TRAF7: variants seen among roughly 807,000 people sequenced by gnomAD.
TRAF7 encodes E3 ubiquitin-protein ligase TRAF7.
A neutral mutation model predicts 89.3 loss-of-function variants in TRAF7; 45 were observed. The observed-to-expected ratio is 0.50, with a 90% CI of 0.40 to 0.65. The LOEUF is 0.65. Ranked by LOEUF, TRAF7 falls within the 30% of genes least tolerant of loss-of-function variation. The probability of loss-of-function intolerance (pLI) is 0.00; values close to 1 mark genes in which losing one functional copy is unlikely to be tolerated. For missense variants in TRAF7, 677 were observed against 918.1 expected (o/e 0.74, Z 3.39); for synonymous variants, 406 against 369.2 (o/e 1.10, Z -1.14).
chr16:2,167,925 G>A (rs1471100178), intron 3 of TRAF7, 152 bp from the exon 4 acceptor site: 10 of 650,614 alleles, frequency 1.5e-5, no homozygotes, highest in South Asian at 3.7e-5. Context: ...AGCTTCCCCC[G>A]TGCCATCCCT....
At chr16:2,166,088 C>T (rs2093085623) in intron 3 of TRAF7, 152 bp downstream of exon 3, 1 of 890,574 alleles carries the variant, frequency 1.1e-6, no homozygotes, top group African/African-American at 1.7e-5. Flanking sequence ...TGTGTCCTCA[C>T]AGCCTCTCAG....
chr16:2,158,404 G>A lies in TRAF7; in HGVS notation c.-39+2546G>A, dbSNP rs933019617. Among the ~76,000 whole-genome samples, 1 of 152,140 alleles carries A rather than the reference G, an allele frequency of 6.6e-6. No individual in the cohort carries two copies. The highest frequency in any genetic ancestry group is 2.4e-5 in the African/African-American group (1 of 41,412). ...GCTGGGGCTGGTCACGTGTAGACCCGGACACCCTCACCCGGCTGGAGGAAG... is the reference window on the plus strand; with the variant it reads ...GCTGGGGCTGGTCACGTGTAGACCCAGACACCCTCACCCGGCTGGAGGAAG... On this transcript the variant is annotated intron_variant, in intron 1 of 20. Transcript: ENST00000326181. The surrounding 1 kb of genome is among the most constrained non-coding windows in gnomAD (Gnocchi z 4.7).
Position 2,170,599 on chromosome 16 carries a change from T to C in TRAF7, c.232-15T>C. 1 of 1,603,562 alleles carries C rather than the reference T, an allele frequency of 6.2e-7. No homozygotes were observed. The highest frequency in any genetic ancestry group is 8.5e-7 in the Non-Finnish European group (1 of 1,174,372). The stretch of plus-strand genomic sequence containing the variant: ...CGTGCGGAGCCCCCCGACAGGCGCC[T>C]CTCCCTCCACACAGCCCCCCATCAG... On this transcript the variant is annotated splice_polypyrimidine_tract_variant and intron_variant, in intron 4 of 20. Coordinates refer to ENST00000326181, the MANE Select transcript of TRAF7 (RefSeq NM_032271.3).
intron 15 of TRAF7, 67 bp from the exon 16 acceptor site, chr16:2,175,234 C>A: frequency 6.2e-7 from 1 of 1,612,086 alleles, no homozygotes; most frequent in East Asian, 2.2e-5. Context: ...TGTTTCTCCC[C>A]GTCTGGGCTC....
At chr16:2,173,050 C>T (rs538010613) in intron 9 of TRAF7, 132 bp from the exon 10 acceptor site, 9 of 746,546 alleles carry the variant, frequency 1.2e-5, no homozygotes, top group East Asian at 2.7e-5. Flanking sequence ...AGGGGCAGGA[C>T]GGCAGGTGTG....
chr16:2,164,074 G>A, intron 2 of TRAF7, 73 bp downstream of exon 2: 1 of 1,413,770 alleles, frequency 7.1e-7, no homozygotes, highest in Non-Finnish European at 9.7e-7. Flanking sequence ...GGTGTTGCCT[G>A]CAGAGCTCCC....
intron 12 of TRAF7, 23 bp downstream of exon 12, chr16:2,173,859 T>TGGGGGCGGCCCCCC: frequency 8.0e-7 from 1 of 1,246,258 alleles, no homozygotes; most frequent in Non-Finnish European, 1.1e-6. Context: ...CCGCCGTGGC[T>TGGGGGCGGCCCCCC]CCCGCCCACC....
At position 2,163,780 on chromosome 16, in the gene TRAF7, C is replaced by T. The variant is rs1197551422; in HGVS notation, c.-38-103C>T. ...GGTGGTGGAAGGCTGCTGCGGCGGC[C>T]CCACGGTGCCCCACAGCAGGTCTGC... On this transcript the variant is annotated intron_variant, in intron 1 of 20. Coordinates refer to ENST00000326181, the MANE Select transcript of TRAF7 (RefSeq NM_032271.3). The surrounding 1 kb of genome is among the most constrained non-coding windows in gnomAD (Gnocchi z 4.3). The T allele has an allele frequency of 3.9e-6, 3 of 766,870 alleles. No homozygotes were observed. The highest frequency in any genetic ancestry group is 2.7e-5 in the East Asian group (1 of 37,016). 47.5% of individuals were successfully genotyped at this position (766,870 alleles called of 1,614,324 possible).
rs1048115847 is a variant in TRAF7 at position 2,175,383 on chromosome 16, A to G, written c.1469A>G (p.Asn490Ser). 5.6e-6 allele frequency: 9 copies of G among 1,613,518 alleles called. No individual in the cohort carries two copies. Among genetic ancestry groups the G allele is most frequent in the South Asian group, 3.3e-5 (3 of 91,092 alleles). The change falls in exon 16 of 21, where the codon AAC (asparagine) becomes AGC (serine). Residue 490 changes from asparagine (N) to serine (S), a missense_variant. Asn to Ser is a conservative substitution (Grantham distance 46). Transcript: ENST00000326181. Reference protein sequence around the residue: ...NPVCTLVSSHNVLFSGSLKAI... With the variant: ...NPVCTLVSSHSVLFSGSLKAI... Reference sequence around the variant, plus strand: ...GTGTGCACGCTGGTCTCCTCACACAACGTGCTCTTCAGCGGCTCCCTGAAG... The same window carrying G: ...GTGTGCACGCTGGTCTCCTCACACAGCGTGCTCTTCAGCGGCTCCCTGAAG...
In TRAF7 at chr16:2,172,612, C is replaced by T. The variant is rs985976826; in HGVS notation, c.794+13C>T. On this transcript the variant is annotated intron_variant, in intron 9 of 20. Coordinates refer to ENST00000326181, the MANE Select transcript of TRAF7 (RefSeq NM_032271.3). ...ACTCCAAGTACGGGTGAGTGGGGGGCGGGCGGGGGTGGGCCGGGGTGGGCG... is the reference window on the plus strand; with the variant it reads ...ACTCCAAGTACGGGTGAGTGGGGGGTGGGCGGGGGTGGGCCGGGGTGGGCG... 114 of 831,892 alleles carry T rather than the reference C, an allele frequency of 1.4e-4. No individual in the cohort carries two copies. The highest frequency in any genetic ancestry group is 4.4e-4 in the Middle Eastern group (1 of 2,262). The allele number at this position is 831,892 out of a possible 1,614,324, so 51.5% of individuals were successfully genotyped here.
rs778488791 is a variant in TRAF7 at position 2,168,180 on chromosome 16, C to T, written c.231+12C>T. On this transcript the variant is annotated intron_variant, in intron 4 of 20. Transcript: ENST00000326181. This position sits in a 1 kb window ranked among gnomAD's most constrained non-coding sequence, Gnocchi z 4.1. ...AGGAGGACAGCATGGTAGGTCCCTA[C>T]CCCCAGGAGCCCGTGTGAGCCTCAG... is the stretch of plus-strand genomic sequence containing the variant. The T allele has an allele frequency of 4.4e-6, 7 of 1,599,250 alleles. No individual in the cohort carries two copies. The East Asian group carries it at 6.8e-5, about 16-fold the overall frequency.
intron 2 of TRAF7, among the ~76,000 whole-genome samples, chr16:2,164,591 C>T (rs547069622): frequency 1.5e-4 from 20 of 130,326 alleles, no homozygotes; most frequent in African/African-American, 4.5e-4. Flanking sequence ...TGCTACGTGG[C>T]GCGGCCTGGT....
rs887081868 is a variant in TRAF7 at position 2,158,534 on chromosome 16, G to A, written c.-39+2676G>A. Among the ~76,000 whole-genome samples, 3 of 152,240 alleles carry A rather than the reference G, an allele frequency of 2.0e-5. No individual in the cohort carries two copies. The highest frequency in any genetic ancestry group is 1.9e-4 in the East Asian group (1 of 5,200). Reference sequence around the variant, plus strand: ...GGGCCAGGACTGAGGGCCGTGGGACGGTGTGGGAAAGGAGGTGGCAGTGCG... The same window carrying A: ...GGGCCAGGACTGAGGGCCGTGGGACAGTGTGGGAAAGGAGGTGGCAGTGCG... On this transcript the variant is annotated intron_variant, in intron 1 of 20. Transcript: ENST00000326181. The surrounding 1 kb of genome is among the most constrained non-coding windows in gnomAD (Gnocchi z 4.7).
chr16:2,173,351 C>G lies in TRAF7; in HGVS notation c.964C>G (p.Leu322Val). The G allele has an allele frequency of 6.2e-7, 1 of 1,613,628 alleles. No homozygotes were observed. Among genetic ancestry groups the G allele is most frequent in the Non-Finnish European group, 8.5e-7 (1 of 1,180,022 alleles). ...CTTCCTGCGCTCCATGCTGGGAAAG[C>G]TCTCGGAGAAGATCGACCAGCTAGA... ...IAFLRSMLGKLSEKIDQLEKS... is the reference protein window; with the variant it reads ...IAFLRSMLGKVSEKIDQLEKS... The change falls in exon 10 of 21, where the codon CTC becomes GTC. Residue 322 changes from leucine to valine, a missense_variant. This residue lies in a region of TRAF7 where 238 missense variants were observed against 352.6 expected (regional missense o/e 0.67). Coordinates refer to ENST00000326181, the MANE Select transcript of TRAF7 (RefSeq NM_032271.3).
In TRAF7 at chr16:2,170,721, G is replaced by A. The variant is rs1209672768; in HGVS notation, c.339G>A (p.Glu113=). The part of the protein sequence containing the change: ...LRSTFSLPEE[E]EEPEPLVFAE... ...CCACATTCTCACTGCCCGAGGAGGA[G>A]GAGGAGCCGGTAGGTGTGGGGGACT... Residue 113 remains glutamate, a synonymous_variant, in exon 5 of 21, where the codon GAG becomes GAA. Transcript: ENST00000326181. 2.5e-6 allele frequency: 4 copies of A among 1,599,994 alleles called. No homozygotes were observed. In the East Asian group the frequency reaches 9.1e-5, roughly 36 times the overall value.
intron 1 of TRAF7, among the ~76,000 whole-genome samples, chr16:2,160,448 G>T (rs1270872950): frequency 2.0e-5 from 3 of 148,112 alleles, no homozygotes; most frequent in African/African-American, 7.6e-5. Context: ...AGGTGGTGTG[G>T]ACAGGCAGGC....
chr16:2,165,904 C>T lies in TRAF7; in HGVS notation c.107C>T (p.Pro36Leu), dbSNP rs1202644245. The change falls in exon 3 of 21, where the codon CCC (proline) becomes CTC (leucine). Residue 36 changes from proline (P) to leucine (L), a missense_variant. Transcript: ENST00000326181. ...TGTRMETTFG[P>L]AFSAVTTITK... ...ACCAGAATGGAAACGACCTTCGGAC[C>T]CGCCTTTTCAGCCGTCACCACCATC... 1 of 1,614,136 alleles carries T rather than the reference C, an allele frequency of 6.2e-7. No homozygotes were observed. The highest frequency in any genetic ancestry group is 1.7e-5 in the Admixed American group (1 of 60,018).
chr16:2,174,138 C>A, intron 13 of TRAF7, 90 bp downstream of exon 13: 1 of 1,601,164 alleles, frequency 6.2e-7, no homozygotes, highest in Non-Finnish European at 8.5e-7. Context: ...TGGGTGGGAC[C>A]TTCTGGGCAG....
intron 16 of TRAF7, 27 bp from the exon 17 acceptor site, chr16:2,175,473 A>C (rs772292206): frequency 1.2e-6 from 2 of 1,612,726 alleles, no homozygotes; most frequent in Non-Finnish European, 1.7e-6. Flanking sequence ...TTGCCCGCCC[A>C]GCCCACAGTT....
Sources: allele counts gnomAD v4.1 joint callset (sites outside exome capture counted in the v4.1 genomes callset), GRCh38; gene constraint gnomAD v4.1.1; regional missense constraint gnomAD v4.1.1; non-coding constraint Gnocchi (gnomAD v3.1); transcripts MANE v1.5; gene names NCBI Gene and HGNC (gene_info 2026-07-23, HGNC 2026-07-21).